SDK1: variants seen among roughly 807,000 people sequenced by gnomAD.
The protein encoded by SDK1 is sidekick cell adhesion molecule 1, also known as protein sidekick-1.
Under a neutral mutation model 245.5 loss-of-function variants are expected in SDK1, and 157 were observed. That is an observed-to-expected ratio of 0.64 (90% CI 0.56 to 0.73). SDK1 has a LOEUF of 0.73. Ranked by LOEUF, SDK1 falls within the 30% of genes least tolerant of loss-of-function variation. SDK1 has a pLI of 0.00. For synonymous variants in SDK1, 1,647 were observed against 1,278.5 expected (o/e 1.29, Z -6.15); for missense variants, 3,583 against 3,002.3 (o/e 1.19, Z -4.52).
At chr7:3,708,207 A>C (rs971307310) in intron 4 of SDK1, among the ~76,000 whole-genome samples, 2 of 152,132 alleles carry the variant, frequency 1.3e-5, no homozygotes, top group Non-Finnish European at 2.9e-5. Context: ...TCTCACGAGA[A>C]CTCACTCACT....
At chr7:3,310,831 T>G (rs1252074432) in intron 1 of SDK1, among the ~76,000 whole-genome samples, 1 of 152,162 alleles carries the variant, frequency 6.6e-6, no homozygotes, top group Non-Finnish European at 1.5e-5. Flanking sequence ...TTTGCATCCT[T>G]GGGTTGGCTA....
At chr7:3,348,731 A>AT (rs928052529) in intron 1 of SDK1, among the ~76,000 whole-genome samples, 6 of 152,036 alleles carry the variant, frequency 3.9e-5, no homozygotes, top group South Asian at 2.1e-4. Context: ...GTGAGCTGTT[A>AT]TTTTTTTTAA....
chr7:3,441,040 T>C (rs1415268758), intron 1 of SDK1, among the ~76,000 whole-genome samples: 1 of 152,198 alleles, frequency 6.6e-6, no homozygotes, highest in Non-Finnish European at 1.5e-5. Context: ...TCACAATGCA[T>C]ACGTCTTTCA....
intron 5 of SDK1, among the ~76,000 whole-genome samples, chr7:3,841,690 G>C (rs1780162694): frequency 6.6e-6 from 1 of 151,834 alleles, no homozygotes. Context: ...AGCCTCCCAA[G>C]TAGCTGGGAT....
intron 1 of SDK1, among the ~76,000 whole-genome samples, chr7:3,355,023 C>G (rs989948760): frequency 2.6e-5 from 4 of 152,268 alleles, no homozygotes; most frequent in Admixed American, 1.3e-4. Context: ...AGTTTATTTT[C>G]TCATTTTCTC....
chr7:4,115,615 T>C (rs1584186780), intron 25 of SDK1, among the ~76,000 whole-genome samples: 1 of 152,322 alleles, frequency 6.6e-6, no homozygotes, highest in East Asian at 1.9e-4. Flanking sequence ...CCTCCTTTCC[T>C]TGGGGCTCCC....
intron 5 of SDK1, among the ~76,000 whole-genome samples, chr7:3,937,632 G>T (rs1408951584): frequency 6.6e-6 from 1 of 152,196 alleles, no homozygotes; most frequent in African/African-American, 2.4e-5. Context: ...AATGTTTTGT[G>T]TCTCTCGTTT....
At chr7:3,944,944 C>T (rs1780515986) in intron 5 of SDK1, among the ~76,000 whole-genome samples, 1 of 152,156 alleles carries the variant, frequency 6.6e-6, no homozygotes, top group Non-Finnish European at 1.5e-5. Flanking sequence ...TAGCTACTAG[C>T]ATGGAGGGGG....
Position 4,205,877 on chromosome 7 carries a change from AGCCCCGGCCAT to A in SDK1, c.5099_5109del (p.Ala1700GlyfsTer86), listed in dbSNP as rs1472749253. On this transcript the variant is annotated splice_acceptor_variant and coding_sequence_variant, in exon 36 of 45. Transcript: ENST00000404826. LOFTEE classifies it high-confidence loss of function. ...CTTCTCTCCGCATTGCTCTTTCCTC[AGCCCCGGCCAT>A]GGCCCCGCAGAACGTGCAGGTGACC... is the stretch of plus-strand genomic sequence containing the variant. The A allele has an allele frequency of 6.4e-7, 1 of 1,552,016 alleles. No individual in the cohort carries two copies. Among genetic ancestry groups the A allele is most frequent in the Admixed American group, 1.9e-5 (1 of 51,324 alleles).
chr7:3,730,804 T>C (rs1307108672), intron 4 of SDK1, among the ~76,000 whole-genome samples: 2 of 152,148 alleles, frequency 1.3e-5, no homozygotes, highest in African/African-American at 4.8e-5. Context: ...AGAGGACATA[T>C]AACCCTCTCT....
intron 1 of SDK1, among the ~76,000 whole-genome samples, chr7:3,430,710 C>G (rs1053038884): frequency 1.3e-5 from 2 of 152,146 alleles, no homozygotes; most frequent in African/African-American, 2.4e-5. Context: ...GTTAGGTATC[C>G]GTGGCTTGTT....
chr7:4,217,624 G>C (rs1376339303), intron 38 of SDK1, among the ~76,000 whole-genome samples: 10 of 151,656 alleles, frequency 6.6e-5, no homozygotes, highest in African/African-American at 2.4e-4. Context: ...ACACCACCCG[G>C]AGCACCAGGC....
At chr7:3,318,533 T>G (rs775529800) in intron 1 of SDK1, among the ~76,000 whole-genome samples, 14 of 152,224 alleles carry the variant, frequency 9.2e-5, no homozygotes, top group Non-Finnish European at 8.8e-5. Flanking sequence ...CCTAATGTGT[T>G]TCTCCTTCTC....
At chr7:3,854,302 A>G (rs1337625142) in intron 5 of SDK1, among the ~76,000 whole-genome samples, 2 of 152,212 alleles carry the variant, frequency 1.3e-5, no homozygotes, top group Non-Finnish European at 2.9e-5. Context: ...AGCTCTGCAG[A>G]CCTTAGATGC....
At chr7:4,116,218 C>G (rs1426216383) in intron 25 of SDK1, among the ~76,000 whole-genome samples, 1 of 152,194 alleles carries the variant, frequency 6.6e-6, no homozygotes, top group Non-Finnish European at 1.5e-5. Flanking sequence ...GGAAAGGGGA[C>G]TTGGAGCCCT....
At chr7:3,651,458 A>C (rs1783012160) in intron 4 of SDK1, among the ~76,000 whole-genome samples, 1 of 152,232 alleles carries the variant, frequency 6.6e-6, no homozygotes, top group Non-Finnish European at 1.5e-5. Flanking sequence ...AGAGCAGACA[A>C]TATGCAGCTA....
chr7:4,185,479 C>T (rs931815235), intron 35 of SDK1, among the ~76,000 whole-genome samples: 3 of 152,176 alleles, frequency 2.0e-5, no homozygotes, highest in Admixed American at 1.3e-4. Flanking sequence ...CAGGCTTCCC[C>T]CTCCTTGAGT....
At chr7:3,699,145 C>A (rs1470051533) in intron 4 of SDK1, among the ~76,000 whole-genome samples, 3 of 152,134 alleles carry the variant, frequency 2.0e-5, no homozygotes, top group African/African-American at 7.2e-5. Context: ...CAGAAGAGGC[C>A]TGATAAAATA....
intron 5 of SDK1, among the ~76,000 whole-genome samples, chr7:3,833,140 C>T (rs1404488504): frequency 6.6e-6 from 1 of 152,020 alleles, no homozygotes; most frequent in Admixed American, 6.6e-5. Context: ...AATGTCAAAA[C>T]TGGAAGTGCG....
Sources: gnomAD v4.1 joint callset for allele counts (sites outside exome capture counted in the v4.1 genomes callset) on GRCh38, gnomAD v4.1.1 for gene constraint, MANE v1.5 for transcripts, NCBI Gene and HGNC (gene_info 2026-07-23, HGNC 2026-07-21) for gene names.